CDA: variants seen among roughly 807,000 people sequenced by gnomAD.
CDA encodes cytidine aminohydrolase.
Under a neutral mutation model 15.0 loss-of-function variants are expected in CDA, and 7 were observed. That is an observed-to-expected ratio of 0.47 (90% CI 0.26 to 0.87). The LOEUF is 0.87. CDA is among the 40% of genes least tolerant of loss of function. The probability of loss-of-function intolerance (pLI) is 0.15; values close to 1 mark genes in which losing one functional copy is unlikely to be tolerated. For missense variants in CDA, 159 were observed against 182.7 expected, an observed-to-expected ratio of 0.87 and a Z score of 0.75; for synonymous variants, 58 against 73.0, an observed-to-expected ratio of 0.79 and a Z score of 1.05.
intron 1 of CDA, among the ~76,000 whole-genome samples, chr1:20,591,304 G>A (rs1327241811): frequency 6.6e-6 from 1 of 151,994 alleles, no homozygotes; most frequent in Non-Finnish European, 1.5e-5. Flanking sequence ...TCGTGCCACT[G>A]CACTCCAGCC....
chr1:20,593,571 C>CTTTTGT (rs1399848212), intron 1 of CDA, among the ~76,000 whole-genome samples: 1 of 152,082 alleles, frequency 6.6e-6, no homozygotes, highest in East Asian at 1.9e-4. Context: ...GGTTTCCATT[C>CTTTTGT]TTTTGTTTTT....
rs904639518 is a variant in CDA at position 20,595,529 on chromosome 1, G to A, written c.154+6246G>A. Among the ~76,000 whole-genome samples, 38 of 152,110 alleles carry A rather than the reference G, an allele frequency of 2.5e-4. 1 individual carries two copies. Among genetic ancestry groups the A allele is most frequent in the African/African-American group, 8.9e-4 (37 of 41,412 alleles). ...GGTAAGAGCAAGCTTCTCTAACCTG[G>A]GTCTTCAGCTTACAGCCCAGCTCCC... On this transcript the variant is annotated intron_variant, in intron 1 of 3. Transcript: ENST00000375071.
At chr1:20,604,035 G>A (rs983088430) in intron 1 of CDA, among the ~76,000 whole-genome samples, 4 of 131,496 alleles carry the variant, frequency 3.0e-5, no homozygotes, top group Admixed American at 8.1e-5. Context: ...AAAGCTCGAG[G>A]TGTTTTTTTT....
chr1:20,598,530 G>A (rs957282007), intron 1 of CDA, among the ~76,000 whole-genome samples: 18 of 152,220 alleles, frequency 1.2e-4, no homozygotes, highest in African/African-American at 4.1e-4. Context: ...AAATACCATA[G>A]ACTAGTGGTT....
At chr1:20,601,458 T>A (rs1361749984) in intron 1 of CDA, among the ~76,000 whole-genome samples, 1 of 152,200 alleles carries the variant, frequency 6.6e-6, no homozygotes, top group Admixed American at 6.5e-5. Context: ...CAGTAGATGC[T>A]CACTATAGTC....
At position 20,618,590 on chromosome 1, in the gene CDA, C is replaced by A; in HGVS notation, c.*22C>A. On this transcript the variant is annotated 3_prime_UTR_variant, in exon 4 of 4. Transcript: ENST00000375071. ...GTGACAGCCAGAGAATGCCCACTGC[C>A]TGTAACAGCCACCTGGAGAACTTCA... 1 of 1,351,614 alleles carries A rather than the reference C, an allele frequency of 7.4e-7. No individual in the cohort carries two copies. The highest frequency in any genetic ancestry group is 1.1e-6 in the Non-Finnish European group (1 of 939,960). The allele number at this position is 1,351,614 out of a possible 1,614,324, so 83.7% of individuals were successfully genotyped here.
chr1:20,615,643 G>C (rs1292164805), intron 3 of CDA, among the ~76,000 whole-genome samples: 1 of 152,012 alleles, frequency 6.6e-6, no homozygotes, highest in African/African-American at 2.4e-5. Flanking sequence ...GTGTCCTCTA[G>C]AGTCCCAAAA....
At chr1:20,592,781 G>A (rs754315158) in intron 1 of CDA, among the ~76,000 whole-genome samples, 8 of 152,190 alleles carry the variant, frequency 5.3e-5, no homozygotes, top group Non-Finnish European at 1.0e-4. Context: ...CACATGGACC[G>A]GGCCTGGCAT....
At chr1:20,612,567 T>A (rs2052762070) in intron 2 of CDA, among the ~76,000 whole-genome samples, 1 of 151,782 alleles carries the variant, frequency 6.6e-6, no homozygotes, top group Admixed American at 6.6e-5. Flanking sequence ...CCTACCCAAA[T>A]CCTATAAAAC....
intron 1 of CDA, among the ~76,000 whole-genome samples, chr1:20,601,706 A>G (rs1430529627): frequency 3.9e-5 from 6 of 152,238 alleles, no homozygotes; most frequent in Admixed American, 3.3e-4. Context: ...TAACATGCCA[A>G]TGTAAATAAT....
Position 20,609,443 on chromosome 1 carries a change from G to GA in CDA, c.267-4399_267-4398insA, listed in dbSNP as rs2052725941. 2.0e-5 allele frequency among the ~76,000 whole-genome samples: 3 copies of GA among 152,106 alleles called. No individual in the cohort carries two copies. The South Asian group carries it at 6.2e-4, about 32-fold the overall frequency. On this transcript the variant is annotated intron_variant, in intron 2 of 3. Transcript: ENST00000375071. ...AGAGCTTGCAGTGAGCCGAGATCGC[G>GA]CCACTGCACTCCAGCCTGGGCGACA...
chr1:20,596,881 C>T (rs2052595896), intron 1 of CDA, among the ~76,000 whole-genome samples: 1 of 151,902 alleles, frequency 6.6e-6, no homozygotes, highest in Non-Finnish European at 1.5e-5. Flanking sequence ...CCACCTTAGC[C>T]TCCCAAGTAG....
intron 1 of CDA, among the ~76,000 whole-genome samples, chr1:20,594,201 G>A (rs952031039): frequency 7.2e-5 from 11 of 152,210 alleles, no homozygotes; most frequent in East Asian, 1.9e-4. Context: ...CTGCAAAGAC[G>A]GCCTTGCTAT....
At chr1:20,609,213 A>G (rs2052723325) in intron 2 of CDA, among the ~76,000 whole-genome samples, 1 of 152,168 alleles carries the variant, frequency 6.6e-6, no homozygotes. Flanking sequence ...GGCCGGGCGC[A>G]GTGGCTCATG....
intron 1 of CDA, among the ~76,000 whole-genome samples, chr1:20,600,289 T>C (rs1405572475): frequency 1.3e-5 from 2 of 152,056 alleles, no homozygotes; most frequent in Non-Finnish European, 2.9e-5. Flanking sequence ...TGTCAGACTT[T>C]AGTCAGGGAT....
chr1:20,592,061 C>T (rs772250422), intron 1 of CDA, among the ~76,000 whole-genome samples: 2 of 152,024 alleles, frequency 1.3e-5, no homozygotes, highest in South Asian at 4.1e-4. Flanking sequence ...AATCTGGTCT[C>T]GAACTCTGAG....
chr1:20,618,771 A>ACCTTT lies in CDA; in HGVS notation c.*213_*217dup. On this transcript the variant is annotated 3_prime_UTR_variant, in exon 4 of 4. Coordinates refer to ENST00000375071, the MANE Select transcript of CDA (RefSeq NM_001785.3). Reference sequence around the variant, plus strand: ...TTAGAACACCGCCGCCCCCTGCCCCACCTTTCCTTTCCTTCCTGTGGGCCC... The same window carrying ACCTTT: ...TTAGAACACCGCCGCCCCCTGCCCCACCTTTCCTTTCCTTTCCTTCCTGTGGGCCC... 1 of 571,320 alleles carries ACCTTT rather than the reference A, an allele frequency of 1.8e-6. No individual in the cohort carries two copies. Among genetic ancestry groups the ACCTTT allele is most frequent in the Non-Finnish European group, 3.2e-6 (1 of 313,924 alleles). The allele number at this position is 571,320 out of a possible 1,614,324, so 35.4% of individuals were successfully genotyped here. A position where few individuals can be genotyped will look rare whatever the true frequency, so the allele number is the denominator to read the frequency against.
At chr1:20,607,340 G>T (rs1362534096) in intron 2 of CDA, among the ~76,000 whole-genome samples, 1 of 152,160 alleles carries the variant, frequency 6.6e-6, no homozygotes, top group East Asian at 1.9e-4. Context: ...TCCAGTATCC[G>T]ATAGCCTTCC....
Position 20,589,215 on chromosome 1 carries a change from C to A in CDA, c.86C>A (p.Ala29Asp), listed in dbSNP as rs141943457. The change falls in exon 1 of 4, where the codon GCC (alanine) becomes GAC (aspartate). Residue 29 changes from alanine to aspartate, a missense_variant. Coordinates refer to ENST00000375071, the MANE Select transcript of CDA (RefSeq NM_001785.3). ...LVCSQEAKKSAYCPYSHFPVG... is the reference protein window; with the variant it reads ...LVCSQEAKKSDYCPYSHFPVG... Reference sequence around the variant, plus strand: ...TGCTCCCAGGAGGCCAAGAAGTCAGCCTACTGCCCCTACAGTCACTTTCCT... The same window carrying A: ...TGCTCCCAGGAGGCCAAGAAGTCAGACTACTGCCCCTACAGTCACTTTCCT... The A allele has an allele frequency of 6.2e-7, 1 of 1,613,724 alleles. No individual in the cohort carries two copies. The highest frequency in any genetic ancestry group is 1.3e-5 in the African/African-American group (1 of 74,936).
Sources: gnomAD v4.1 joint callset for allele counts (sites outside exome capture counted in the v4.1 genomes callset) on GRCh38, gnomAD v4.1.1 for gene constraint, MANE v1.5 for transcripts, NCBI Gene and HGNC (gene_info 2026-07-23, HGNC 2026-07-21) for gene names.